INSC: variants seen among roughly 807,000 people sequenced by gnomAD.
INSC encodes the protein protein inscuteable homolog.
Under a neutral mutation model 58.6 loss-of-function variants are expected in INSC, and 67 were observed. The observed-to-expected ratio is 1.14, with a 90% confidence interval of 0.94 to 1.40. The LOEUF (loss-of-function observed/expected upper bound fraction) is 1.40. Among genes scored for constraint, INSC ranks in the 40% most tolerant of loss-of-function variants. The pLI, the probability that INSC is intolerant of heterozygous loss-of-function variation, is 0.00. For synonymous variants in INSC, 262 were observed against 276.1 expected (o/e 0.95, Z 0.51); for missense variants, 714 against 692.0 (o/e 1.03, Z -0.36).
intron 2 of INSC, among the ~76,000 whole-genome samples, chr11:15,157,978 G>T (rs77851666): frequency 6.6e-6 from 1 of 152,136 alleles, no homozygotes; most frequent in African/African-American, 2.4e-5. Flanking sequence ...ATCTCAGCGA[G>T]GGCAGCAGCT....
intron 1 of INSC, among the ~76,000 whole-genome samples, chr11:15,145,030 T>C (rs1316984361): frequency 6.6e-6 from 1 of 152,164 alleles, no homozygotes; most frequent in Non-Finnish European, 1.5e-5. Context: ...GATGGAGGGA[T>C]TTCTTCTTCC....
At chr11:15,198,282 C>G (rs1430970949) in intron 6 of INSC, among the ~76,000 whole-genome samples, 1 of 152,144 alleles carries the variant, frequency 6.6e-6, no homozygotes, top group African/African-American at 2.4e-5. Flanking sequence ...CAAACTTAAC[C>G]AGCAGCAAAG....
chr11:15,114,843 G>C (rs1245452006), upstream of INSC: 1 of 749,960 alleles, frequency 1.3e-6, no homozygotes, highest in Non-Finnish European at 1.6e-6. Context: ...CCGCCTCGGA[G>C]AGGGCGGGCG....
In INSC at chr11:15,232,784, A is replaced by T. The variant is rs555176947; in HGVS notation, c.1171-2818A>T. On this transcript the variant is annotated intron_variant, in intron 9 of 12. Coordinates refer to ENST00000379556, the MANE Select transcript of INSC (RefSeq NM_001042536.3). Reference sequence around the variant, plus strand: ...GGTCAGAGTCAGAGACTCAAACGTGATTAAGGAAGCAAAGGTCAGAAGGAT... The same window carrying T: ...GGTCAGAGTCAGAGACTCAAACGTGTTTAAGGAAGCAAAGGTCAGAAGGAT... Among the ~76,000 whole-genome samples, 7 of 152,340 alleles carry T rather than the reference A, an allele frequency of 4.6e-5. No individual in the cohort carries two copies. In the South Asian group the frequency reaches 1.2e-3, roughly 27 times the overall value.
chr11:15,160,926 C>T (rs562269962), intron 2 of INSC, among the ~76,000 whole-genome samples: 1 of 152,338 alleles, frequency 6.6e-6, no homozygotes, highest in East Asian at 1.9e-4. Context: ...TCAGTTTCTC[C>T]TCCTCTGTAA....
chr11:15,114,035 G>A (rs1474582275), upstream of INSC, among the ~76,000 whole-genome samples: 1 of 151,874 alleles, frequency 6.6e-6, no homozygotes, highest in Non-Finnish European at 1.5e-5. Flanking sequence ...GGGCTCAAGG[G>A]AGACCAGGGG....
intron 2 of INSC, among the ~76,000 whole-genome samples, chr11:15,167,279 C>T (rs941775125): frequency 2.6e-5 from 4 of 151,992 alleles, no homozygotes; most frequent in African/African-American, 7.3e-5. Flanking sequence ...CTTCCCTGCC[C>T]TGGACATAAG....
chr11:15,230,001 A>ATG (rs1564917655), intron 9 of INSC, among the ~76,000 whole-genome samples: 2 of 25,314 alleles, frequency 7.9e-5, no homozygotes, highest in African/African-American at 3.3e-4. Context: ...ATATATATAT[A>ATG]TATATATATA....
At chr11:15,229,246 C>T (rs1324238723) in intron 9 of INSC, among the ~76,000 whole-genome samples, 1 of 152,114 alleles carries the variant, frequency 6.6e-6, no homozygotes, top group Non-Finnish European at 1.5e-5. Flanking sequence ...ATATACTTCC[C>T]ACAGTAATAC....
chr11:15,181,187 G>T lies in INSC; in HGVS notation c.579+2740G>T, dbSNP rs76004553. 9.4e-3 allele frequency among the ~76,000 whole-genome samples: 1,426 copies of T among 152,270 alleles called. 16 individuals are homozygous for T. The highest frequency in any genetic ancestry group is 0.033 in the African/African-American group (1,361 of 41,542). ...CTGACCTGCAGCTTCCATAGGCAGG[G>T]GTTTTGGTTTGTTTTGCTCGTGCAT... On this transcript the variant is annotated intron_variant, in intron 5 of 12. Transcript: ENST00000379556.
chr11:15,180,761 C>G (rs944439054), intron 5 of INSC, among the ~76,000 whole-genome samples: 1 of 150,768 alleles, frequency 6.6e-6, no homozygotes, highest in Non-Finnish European at 1.5e-5. Flanking sequence ...TTCCTGATAA[C>G]CCCCATTCCT....
intron 2 of INSC, among the ~76,000 whole-genome samples, chr11:15,157,782 T>G (rs1395231948): frequency 1.3e-5 from 2 of 152,152 alleles, no homozygotes; most frequent in Non-Finnish European, 2.9e-5. Flanking sequence ...TAGATGGGCT[T>G]GTGGTGGGGC....
the INSC span, among the ~76,000 whole-genome samples, chr11:15,269,337 G>T: frequency 0.22 from 33,655 of 151,808 alleles, 4,060 homozygotes; most frequent in African/African-American, 0.31. Flanking sequence ...CATGTTCCAA[G>T]ACTCTTTTTG....
rs555046154 is a variant in INSC at position 15,242,986 on chromosome 11, T to G, written c.1470+2463T>G. On this transcript the variant is annotated intron_variant, in intron 12 of 12. Coordinates refer to ENST00000379556, the MANE Select transcript of INSC (RefSeq NM_001042536.3). ...CTCTTACAGCACTGGTCTCCAGCACTGACTCATGGAGGAGGATTTGTACTT... is the reference window on the plus strand; with the variant it reads ...CTCTTACAGCACTGGTCTCCAGCACGGACTCATGGAGGAGGATTTGTACTT... 2.4e-4 allele frequency among the ~76,000 whole-genome samples: 37 copies of G among 152,346 alleles called. 1 individual carries two copies. The highest frequency in any genetic ancestry group is 6.8e-3 in the Middle Eastern group (2 of 294).
intron 6 of INSC, among the ~76,000 whole-genome samples, chr11:15,195,141 T>C (rs1342453826): frequency 6.6e-6 from 1 of 152,194 alleles, no homozygotes; most frequent in East Asian, 1.9e-4. Flanking sequence ...ATTCTGTGAC[T>C]CAAACATTTA....
intron 7 of INSC, among the ~76,000 whole-genome samples, chr11:15,216,638 C>G (rs1239904437): frequency 6.6e-6 from 1 of 152,142 alleles, no homozygotes; most frequent in Non-Finnish European, 1.5e-5. Flanking sequence ...GGAATCAAAA[C>G]AGAAATCACT....
the INSC span, among the ~76,000 whole-genome samples, chr11:15,268,975 C>T: frequency 6.6e-6 from 1 of 151,970 alleles, no homozygotes; most frequent in African/African-American, 2.4e-5. Flanking sequence ...AATGTAACAT[C>T]TGTTATTGAT....
At chr11:15,231,488 C>T (rs1004711960) in intron 9 of INSC, among the ~76,000 whole-genome samples, 1 of 152,230 alleles carries the variant, frequency 6.6e-6, no homozygotes, top group Non-Finnish European at 1.5e-5. Context: ...TCCTGGGCCA[C>T]ATGTGGCCTG....
intron 1 of INSC, among the ~76,000 whole-genome samples, chr11:15,126,794 C>G (rs1894131): frequency 0.49 from 74,765 of 152,126 alleles, 19,337 homozygotes; most frequent in Non-Finnish European, 0.58. Flanking sequence ...AACAGATGCT[C>G]TACCTGACCG....
Sources: gnomAD v4.1 joint callset for allele counts (sites outside exome capture counted in the v4.1 genomes callset) on GRCh38, gnomAD v4.1.1 for gene constraint, MANE v1.5 for transcripts, NCBI Gene and HGNC (gene_info 2026-07-23, HGNC 2026-07-21) for gene names.